Variants in STAG1 observed in about 807,000 individuals in gnomAD.
The protein encoded by STAG1 is STAG1 cohesin complex component.
In STAG1, 26 loss-of-function variants were observed where a neutral mutation model predicts 170.9. The ratio of observed to expected loss-of-function variants is 0.15; its 90% confidence interval spans 0.11 to 0.21. The LOEUF (loss-of-function observed/expected upper bound fraction) is 0.21. Ranked by LOEUF, STAG1 falls within the 10% of genes least tolerant of loss-of-function variation. The pLI is 1.00. For synonymous variants in STAG1, 514 were observed against 497.7 expected, an observed-to-expected ratio of 1.03 and a Z score of -0.44; for missense variants, 964 against 1,509.5, an observed-to-expected ratio of 0.64 and a Z score of 5.99.
At chr3:136,673,435 T>C (rs991186837) in intron 1 of STAG1, among the ~76,000 whole-genome samples, 1 of 152,200 alleles carries the variant, frequency 6.6e-6, no homozygotes, top group African/African-American at 2.4e-5. Context: ...GTACTAGTTG[T>C]AATATAACTA....
chr3:136,454,363 A>G (rs1326832754), intron 13 of STAG1, among the ~76,000 whole-genome samples: 4 of 151,362 alleles, frequency 2.6e-5, no homozygotes, highest in Non-Finnish European at 5.9e-5. Flanking sequence ...TACAGGCCTG[A>G]GCCACCGTGA....
intron 1 of STAG1, among the ~76,000 whole-genome samples, chr3:136,669,493 AC>A (rs1340089706): frequency 6.6e-6 from 1 of 152,106 alleles, no homozygotes; most frequent in East Asian, 1.9e-4. Flanking sequence ...AGCTGGGATT[AC>A]AGGCGCACAA....
At chr3:136,666,457 T>C (rs944210965) in intron 1 of STAG1, among the ~76,000 whole-genome samples, 1 of 152,210 alleles carries the variant, frequency 6.6e-6, no homozygotes, top group African/African-American at 2.4e-5. Flanking sequence ...ACTGTAACAC[T>C]AGTTTTGCAG....
chr3:136,616,727 C>A (rs546161942), intron 3 of STAG1, among the ~76,000 whole-genome samples: 2 of 152,060 alleles, frequency 1.3e-5, no homozygotes, highest in East Asian at 1.9e-4. Flanking sequence ...GGCAACATGA[C>A]GAAACCTTGC....
At chr3:136,437,666 C>A (rs2088497902) in intron 15 of STAG1, among the ~76,000 whole-genome samples, 1 of 152,094 alleles carries the variant, frequency 6.6e-6, no homozygotes, top group African/African-American at 2.4e-5. Context: ...TTTGTGTAGT[C>A]TTTTTTCTCC....
At chr3:136,339,491 A>G (rs543585171) in intron 32 of STAG1, among the ~76,000 whole-genome samples, 7 of 152,202 alleles carry the variant, frequency 4.6e-5, no homozygotes, top group Non-Finnish European at 8.8e-5. Context: ...GCATTGCACT[A>G]CAGCCTGGCA....
intron 4 of STAG1, among the ~76,000 whole-genome samples, chr3:136,596,415 GT>G (rs956032083): frequency 2.0e-5 from 3 of 151,640 alleles, no homozygotes; most frequent in African/African-American, 7.3e-5. Flanking sequence ...ACGTACATTG[GT>G]TTTTTTTCAG....
chr3:136,569,681 T>C (rs540319297), intron 4 of STAG1, among the ~76,000 whole-genome samples: 9 of 151,976 alleles, frequency 5.9e-5, no homozygotes, highest in Non-Finnish European at 1.3e-4. Context: ...AGATTAATAA[T>C]AGGAAAATTT....
At chr3:136,457,537 A>G (rs1209678985) in intron 13 of STAG1, among the ~76,000 whole-genome samples, 3 of 152,092 alleles carry the variant, frequency 2.0e-5, no homozygotes, top group Non-Finnish European at 4.4e-5. Context: ...CGCAGCCTCC[A>G]TACCAGCGTT....
chr3:136,343,994 T>C lies in STAG1; in HGVS notation c.3284A>G (p.Asp1095Gly), dbSNP rs1936112870. The change falls in exon 30 of 34, where the codon GAT becomes GGT. Residue 1095 changes from aspartate to glycine, a missense_variant. By Grantham distance (94) the Asp-to-Gly change is moderately conservative. Transcript: ENST00000383202. ...HKKRVEDESL[D>G]NTWLNRTDTM... The stretch of plus-strand genomic sequence containing the variant: ...GTCAGTCCTGTTTAGCCATGTGTTA[T>C]CCAGACTCTCATCTGTAAAATTCCA... The C allele has an allele frequency of 1.3e-6, 2 of 1,581,214 alleles. No homozygotes were observed. The highest frequency in any genetic ancestry group is 1.4e-5 in the African/African-American group (1 of 73,388).
intron 1 of STAG1, among the ~76,000 whole-genome samples, chr3:136,719,209 A>G (rs546605033): frequency 3.3e-5 from 5 of 152,350 alleles, no homozygotes; most frequent in African/African-American, 1.2e-4. Context: ...GTATTGAAAC[A>G]TGCCTTAACA....
At chr3:136,418,075 T>G in intron 20 of STAG1, 103 bp from the exon 21 acceptor site, 2 of 887,530 alleles carry the variant, frequency 2.3e-6, no homozygotes, top group Non-Finnish European at 3.5e-6. Flanking sequence ...TCATTTCGGC[T>G]GGGCACACTG....
chr3:136,536,643 G>A (rs568470099), intron 6 of STAG1, among the ~76,000 whole-genome samples: 24 of 148,976 alleles, frequency 1.6e-4, no homozygotes, highest in Admixed American at 2.7e-4. Flanking sequence ...AGAAGTTGCC[G>A]TGAGCCAAGA....
rs780475830 is a variant in STAG1 at position 136,452,014 on chromosome 3, A to C, written c.1428+19T>G. 55 of 1,477,372 alleles carry C rather than the reference A, an allele frequency of 3.7e-5. No individual in the cohort carries two copies. The highest frequency in any genetic ancestry group is 5.0e-5 in the Non-Finnish European group (54 of 1,071,084). 91.5% of individuals were successfully genotyped at this position (1,477,372 alleles called of 1,614,324 possible). A position where few individuals can be genotyped will look rare whatever the true frequency, so the allele number is the denominator to read the frequency against. ...AATATAATAAAAGAAATAAGGAATT[A>C]TCTTAAAACATTTTTTACCTCACTT... On this transcript the variant is annotated intron_variant, in intron 14 of 33. Transcript: ENST00000383202.
intron 1 of STAG1, among the ~76,000 whole-genome samples, chr3:136,699,830 T>C (rs1399262773): frequency 1.3e-5 from 2 of 151,990 alleles, no homozygotes; most frequent in Admixed American, 1.3e-4. Context: ...TAAATTAAAA[T>C]ATACAAAACG....
At chr3:136,646,144 T>G (rs922907678) in intron 1 of STAG1, among the ~76,000 whole-genome samples, 1 of 152,090 alleles carries the variant, frequency 6.6e-6, no homozygotes, top group Admixed American at 6.6e-5. Flanking sequence ...ACGTGTCTCT[T>G]CTTCATCTCA....
At chr3:136,631,033 T>G in intron 1 of STAG1, 52 bp from the exon 2 acceptor site, 2 of 844,048 alleles carry the variant, frequency 2.4e-6, no homozygotes, top group Non-Finnish European at 1.8e-6. Flanking sequence ...GATGACAAAA[T>G]TCATAAACTA....
chr3:136,501,519 C>T (rs923796154), intron 8 of STAG1, among the ~76,000 whole-genome samples: 3 of 152,156 alleles, frequency 2.0e-5, no homozygotes, highest in Non-Finnish European at 4.4e-5. Context: ...AATTATGCTG[C>T]CACCAGCCAA....
At chr3:136,376,191 T>C (rs1937604794) in intron 23 of STAG1, among the ~76,000 whole-genome samples, 1 of 151,994 alleles carries the variant, frequency 6.6e-6, no homozygotes, top group African/African-American at 2.4e-5. Context: ...TTGTCACTAT[T>C]TATAAGAGAC....
Sources: allele counts gnomAD v4.1 joint callset (sites outside exome capture counted in the v4.1 genomes callset), GRCh38; gene constraint gnomAD v4.1.1; transcripts MANE v1.5; gene names NCBI Gene and HGNC (gene_info 2026-07-23, HGNC 2026-07-21).